HEMK2: variants seen among roughly 807,000 people sequenced by gnomAD.
HEMK2 encodes HemK methyltransferase 2, ETF1 glutamine and histone H4 lysine.
At chr21:28,868,452 T>C in the HEMK2 span, among the ~76,000 whole-genome samples, 1 of 152,072 alleles carries the variant, frequency 6.6e-6, no homozygotes, top group African/African-American at 2.4e-5. Flanking sequence ...GAGGCCGAGG[T>C]GGAAGGATCG....
At chr21:28,811,385 A>G in the HEMK2 span, among the ~76,000 whole-genome samples, 1 of 135,506 alleles carries the variant, frequency 7.4e-6, no homozygotes, top group Non-Finnish European at 1.6e-5. Flanking sequence ...AAAGGAAGGA[A>G]GGAAGGAGAA....
At chr21:28,742,268 G>A in the HEMK2 span, among the ~76,000 whole-genome samples, 3 of 152,188 alleles carry the variant, frequency 2.0e-5, no homozygotes, top group Non-Finnish European at 4.4e-5. Flanking sequence ...TACATTTGCT[G>A]AAAACAGTAA....
At chr21:28,718,549 C>T in the HEMK2 span, among the ~76,000 whole-genome samples, 2 of 151,856 alleles carry the variant, frequency 1.3e-5, no homozygotes. Flanking sequence ...TACTGTGTGG[C>T]TAAGTCTTTT....
the HEMK2 span, among the ~76,000 whole-genome samples, chr21:28,769,167 T>C: frequency 6.6e-6 from 1 of 152,022 alleles, no homozygotes; most frequent in Non-Finnish European, 1.5e-5. Context: ...TGACAGGAGA[T>C]CTCTCCAGAT....
the HEMK2 span, among the ~76,000 whole-genome samples, chr21:28,641,622 G>C: frequency 1.3e-5 from 2 of 152,270 alleles, no homozygotes; most frequent in East Asian, 3.9e-4. Context: ...GTAAAGACTG[G>C]ACACCCAGCA....
chr21:28,758,520 A>T, the HEMK2 span, among the ~76,000 whole-genome samples: 1 of 152,210 alleles, frequency 6.6e-6, no homozygotes, highest in Non-Finnish European at 1.5e-5. Flanking sequence ...TCCGTGTGGC[A>T]GTGAGGAGCT....
the HEMK2 span, among the ~76,000 whole-genome samples, chr21:28,790,444 G>A: frequency 6.6e-6 from 1 of 152,124 alleles, no homozygotes; most frequent in Non-Finnish European, 1.5e-5. Flanking sequence ...GAGTACCAAA[G>A]TTCTGGTGTT....
At chr21:28,602,363 G>A in the HEMK2 span, among the ~76,000 whole-genome samples, 1 of 151,840 alleles carries the variant, frequency 6.6e-6, no homozygotes, top group Non-Finnish European at 1.5e-5. Context: ...TTATTTTACT[G>A]GGTTTCAATG....
the HEMK2 span, among the ~76,000 whole-genome samples, chr21:28,751,912 T>C: frequency 6.6e-6 from 1 of 152,004 alleles, no homozygotes; most frequent in African/African-American, 2.4e-5. Context: ...CGCCTCAGCC[T>C]CCCAAAGTGC....
chr21:28,737,988 T>TAA, the HEMK2 span, among the ~76,000 whole-genome samples: 1 of 152,196 alleles, frequency 6.6e-6, no homozygotes, highest in Non-Finnish European at 1.5e-5. Context: ...GCACTGTGTT[T>TAA]TCATTTGTTT....
the HEMK2 span, among the ~76,000 whole-genome samples, chr21:28,840,069 T>G: frequency 2.0e-5 from 3 of 152,162 alleles, no homozygotes; most frequent in Admixed American, 6.5e-5. Context: ...CCCAGATACT[T>G]ACAGCCAAAT....
At chr21:28,683,800 A>T in the HEMK2 span, among the ~76,000 whole-genome samples, 1 of 152,242 alleles carries the variant, frequency 6.6e-6, no homozygotes, top group Non-Finnish European at 1.5e-5. Context: ...AAGAAAATTT[A>T]ACATGAAAAA....
the HEMK2 span, chr21:28,872,060 T>C: frequency 3.9e-5 from 6 of 152,190 alleles, no homozygotes; most frequent in African/African-American, 7.2e-5. Context: ...ACGAATTTTG[T>C]TGGGGGGACA....
the HEMK2 span, among the ~76,000 whole-genome samples, chr21:28,819,206 T>G: frequency 6.6e-6 from 1 of 151,714 alleles, no homozygotes; most frequent in Non-Finnish European, 1.5e-5. Flanking sequence ...TGGATACCCA[T>G]GACGTAAGGA....
At chr21:28,809,099 C>A in the HEMK2 span, among the ~76,000 whole-genome samples, 1 of 152,060 alleles carries the variant, frequency 6.6e-6, no homozygotes, top group African/African-American at 2.4e-5. Flanking sequence ...GTGACATATT[C>A]ATCATAATTT....
chr21:28,678,363 G>A, the HEMK2 span, among the ~76,000 whole-genome samples: 20 of 152,190 alleles, frequency 1.3e-4, no homozygotes, highest in East Asian at 3.1e-3. Flanking sequence ...AAAAACAAAC[G>A]AACAAAGCCT....
the HEMK2 span, among the ~76,000 whole-genome samples, chr21:28,611,556 CCAA>C: frequency 2.0e-5 from 3 of 151,946 alleles, no homozygotes; most frequent in Admixed American, 1.3e-4. Flanking sequence ...TCTGAACAGA[CCAA>C]CAACAAGCAG....
chr21:28,638,316 T>G, the HEMK2 span, among the ~76,000 whole-genome samples: 1 of 152,052 alleles, frequency 6.6e-6, no homozygotes, highest in East Asian at 1.9e-4. Context: ...AGAGGGTCAC[T>G]ATGTGAAAGG....
At chr21:28,677,764 G>T in the HEMK2 span, among the ~76,000 whole-genome samples, 2 of 152,192 alleles carry the variant, frequency 1.3e-5, no homozygotes, top group East Asian at 3.8e-4. Context: ...TGCAGCCTCC[G>T]CTGCTGATAC....
Sources: allele counts gnomAD v4.1 joint callset (sites outside exome capture counted in the v4.1 genomes callset), GRCh38; gene constraint gnomAD v4.1.1; transcripts MANE v1.5; gene names NCBI Gene and HGNC (gene_info 2026-07-23, HGNC 2026-07-21).